Variants in ATP2C2 observed in about 807,000 individuals in gnomAD.
The protein encoded by ATP2C2 is ATPase secretory pathway Ca2+ transporting 2.
In ATP2C2, 171 loss-of-function variants were observed where a neutral mutation model predicts 110.8. The ratio of observed to expected loss-of-function variants is 1.54; its 90% CI spans 1.36 to 1.75. The LOEUF (loss-of-function observed/expected upper bound fraction) is 1.75, where lower values mean the gene tolerates loss of function less well. Ranked by LOEUF, ATP2C2 falls within the 40% of genes most tolerant of loss-of-function variation. ATP2C2 has a pLI of 0.00. For missense variants in ATP2C2, 1,963 were observed against 1,235.0 expected (o/e 1.59, Z -8.84); for synonymous variants, 804 against 508.4 (o/e 1.58, Z -7.82).
chr16:84,437,623 C>G (rs1301808633), intron 11 of ATP2C2, among the ~76,000 whole-genome samples: 2 of 152,200 alleles, frequency 1.3e-5, no homozygotes, highest in Non-Finnish European at 2.9e-5. Context: ...TCAAGCAATT[C>G]TCCTGCCTCA....
In ATP2C2 at chr16:84,405,187, C is replaced by A. The variant is rs369766004; in HGVS notation, c.270C>A (p.Gly90=). ...TGACGCAGCGCCGGCTGGCCCATGG[C>A]TGGAATGAGTTTGTTGCTGACAACA... ...FSVTQRRLAH[G]WNEFVADNSE... is the part of the protein sequence containing the mutation. Residue 90 remains glycine, a synonymous_variant, in exon 3 of 27, where the codon GGC becomes GGA. Coordinates refer to ENST00000262429, the MANE Select transcript of ATP2C2 (RefSeq NM_014861.4). 7.5e-5 allele frequency: 121 copies of A among 1,613,974 alleles called. No individual in the cohort carries two copies. The highest frequency in any genetic ancestry group is 9.7e-5 in the Non-Finnish European group (115 of 1,180,024).
intron 1 of ATP2C2, among the ~76,000 whole-genome samples, chr16:84,370,635 T>C (rs1215819667): frequency 6.6e-6 from 1 of 151,966 alleles, no homozygotes; most frequent in African/African-American, 2.4e-5. Context: ...AAGGAGGCGA[T>C]GTGTGTTGAG....
intron 1 of ATP2C2, among the ~76,000 whole-genome samples, chr16:84,386,880 C>A (rs928087699): frequency 1.3e-5 from 2 of 152,012 alleles, no homozygotes; most frequent in African/African-American, 2.4e-5. Context: ...GCCTCCTCTA[C>A]CCTGTTGGCT....
intron 7 of ATP2C2, 54 bp downstream of exon 7, chr16:84,415,645 G>A (rs1176678606): frequency 1.4e-6 from 2 of 1,445,418 alleles, no homozygotes; most frequent in Non-Finnish European, 1.9e-6. Flanking sequence ...TGGTCAAGGA[G>A]CAGACACTTA....
In ATP2C2 at chr16:84,448,690, G is replaced by A. The variant is rs1243772030; in HGVS notation, c.1660+1G>A. The A allele has an allele frequency of 6.2e-7, 1 of 1,610,320 alleles. No individual in the cohort carries two copies. Among genetic ancestry groups the A allele is most frequent in the East Asian group, 2.2e-5 (1 of 44,718 alleles). On this transcript the variant is annotated splice_donor_variant, in intron 17 of 26. Coordinates refer to ENST00000262429, the MANE Select transcript of ATP2C2 (RefSeq NM_014861.4). LOFTEE classifies it high-confidence loss of function. ...AGGATGGGGTCGCTCGGTTTGCGGG[G>A]TCAGTGCCTGTGGTCCCGGCCCAGA...
intron 11 of ATP2C2, among the ~76,000 whole-genome samples, chr16:84,426,934 A>C (rs1907861407): frequency 6.6e-6 from 1 of 152,202 alleles, no homozygotes; most frequent in African/African-American, 2.4e-5. Context: ...CGGGCAGCCC[A>C]GCATCGTGCA....
chr16:84,410,780 C>T lies in ATP2C2; in HGVS notation c.515+15C>T, dbSNP rs1350513712. The T allele has an allele frequency of 5.6e-6, 9 of 1,612,542 alleles. No individual in the cohort carries two copies. Among genetic ancestry groups the T allele is most frequent in the Non-Finnish European group, 5.9e-6 (7 of 1,178,782 alleles). On this transcript the variant is annotated intron_variant, in intron 6 of 26. Transcript: ENST00000262429. ...GAATGTAACTGGTAAGTCAGAGCCTCCCTGGGACTTTTTGGTTCACTGGAG... is the reference window on the plus strand; with the variant it reads ...GAATGTAACTGGTAAGTCAGAGCCTTCCTGGGACTTTTTGGTTCACTGGAG...
chr16:84,415,454 G>A, intron 6 of ATP2C2, 29 bp from the exon 7 acceptor site: 1 of 1,575,288 alleles, frequency 6.3e-7, no homozygotes, highest in Non-Finnish European at 8.7e-7. Flanking sequence ...CAGCATGGAT[G>A]CTTTTGCTTT....
chr16:84,371,991 G>C (rs1397716166), intron 1 of ATP2C2, among the ~76,000 whole-genome samples: 1 of 152,174 alleles, frequency 6.6e-6, no homozygotes, highest in Non-Finnish European at 1.5e-5. Context: ...CTGGGAGAAA[G>C]ACGTGATGTT....
At chr16:84,391,113 CAAAAAAAAA>C (rs567509863) in intron 1 of ATP2C2, among the ~76,000 whole-genome samples, 9 of 73,288 alleles carry the variant, frequency 1.2e-4, no homozygotes, top group Admixed American at 7.0e-4. Flanking sequence ...GACTCAGACT[CAAAAAAAAA>C]AAAAAAAAAA....
intron 1 of ATP2C2, among the ~76,000 whole-genome samples, chr16:84,393,445 A>G (rs1366998973): frequency 6.6e-6 from 1 of 151,982 alleles, no homozygotes; most frequent in African/African-American, 2.4e-5. Flanking sequence ...CTCACTTACA[A>G]TGTATTGGGT....
rs770071227 is a variant in ATP2C2, at chr16:84,439,564, C to T, written c.1209+40C>T. On this transcript the variant is annotated intron_variant, in intron 13 of 26. Transcript: ENST00000262429. ...AATTTACAAGCCTTAAGGATGCACC[C>T]AGCCAGGCTGTCTCCTTTCTAAACT... 7 of 1,572,432 alleles carry T rather than the reference C, an allele frequency of 4.5e-6. No individual in the cohort carries two copies. The South Asian group carries it at 5.5e-5, about 12-fold the overall frequency.
intron 24 of ATP2C2, 76 bp from the exon 25 acceptor site, chr16:84,461,638 C>A: frequency 7.5e-7 from 1 of 1,328,542 alleles, no homozygotes; most frequent in Non-Finnish European, 1.1e-6. Flanking sequence ...AGCAGTGAGG[C>A]AGGCCTGTGC....
At chr16:84,445,735 C>T (rs1223206937) in intron 15 of ATP2C2, among the ~76,000 whole-genome samples, 1 of 152,236 alleles carries the variant, frequency 6.6e-6, no homozygotes, top group African/African-American at 2.4e-5. Context: ...ATGGTAGATA[C>T]ACTGTATTGT....
intron 13 of ATP2C2, 25 bp from the exon 14 acceptor site, chr16:84,440,832 C>G: frequency 1.3e-6 from 2 of 1,584,128 alleles, no homozygotes; most frequent in Non-Finnish European, 1.7e-6. Context: ...CTTGGCGAAA[C>G]CCTTTCTTCT....
chr16:84,444,162 CAAAAAAAA>C (rs71151217), intron 15 of ATP2C2, among the ~76,000 whole-genome samples: 64 of 104,548 alleles, frequency 6.1e-4, no homozygotes, highest in East Asian at 7.1e-4. Context: ...GATCCTGCCT[CAAAAAAAA>C]AAAAAAAAAA....
chr16:84,458,431 C>G lies in ATP2C2; in HGVS notation c.2148-689C>G, dbSNP rs1408435854. ...TAGTGGGTGCAGCGCACCAGCATGG[C>G]ACATGTATACATATGTAACTAACCT... On this transcript the variant is annotated intron_variant, in intron 21 of 26. Transcript: ENST00000262429. Among the ~76,000 whole-genome samples, 5 of 140,334 alleles carry G rather than the reference C, an allele frequency of 3.6e-5. No individual in the cohort carries two copies. The East Asian group carries it at 8.4e-4, about 24-fold the overall frequency. 92.1% of individuals were successfully genotyped at this position (140,334 alleles called of 152,430 possible). A position where few individuals can be genotyped will look rare whatever the true frequency, so the allele number is the denominator to read the frequency against.
rs147224024 is a variant in ATP2C2 at position 84,423,369 on chromosome 16, A to G, written c.919+106A>G. 1,477 of 1,078,428 alleles carry G rather than the reference A, an allele frequency of 1.4e-3. 14 individuals are homozygous for G. In the African/African-American group the frequency reaches 0.021, roughly 15 times the overall value. The allele number at this position is 1,078,428 out of a possible 1,614,324, so 66.8% of individuals were successfully genotyped here. Reference sequence around the variant, plus strand: ...CAAATATCTTGCTACTCAGCTGCATAAGGCTTGGGGATTGGGATCAGAGGC... The same window carrying G: ...CAAATATCTTGCTACTCAGCTGCATGAGGCTTGGGGATTGGGATCAGAGGC... On this transcript the variant is annotated intron_variant, in intron 10 of 26. Transcript: ENST00000262429.
chr16:84,393,470 C>T (rs16963568), intron 1 of ATP2C2, among the ~76,000 whole-genome samples: 2 of 151,924 alleles, frequency 1.3e-5, no homozygotes, highest in Admixed American at 1.3e-4. Flanking sequence ...GGCTATGTCC[C>T]GGTGGCCTTG....
Sources: gnomAD v4.1 joint callset for allele counts (sites outside exome capture counted in the v4.1 genomes callset) on GRCh38, gnomAD v4.1.1 for gene constraint, MANE v1.5 for transcripts, NCBI Gene and HGNC (gene_info 2026-07-23, HGNC 2026-07-21) for gene names.